UBXN4: variants seen among roughly 807,000 people sequenced by gnomAD.
The protein encoded by UBXN4 is UBX domain protein 4, also known as UBX domain-containing protein 4.
UBXN4 carries 35 observed loss-of-function variants against 66.2 expected under a neutral mutation model. The ratio of observed to expected loss-of-function variants is 0.53; its 90% CI spans 0.40 to 0.70. The LOEUF (loss-of-function observed/expected upper bound fraction) is 0.70. UBXN4 is among the 30% of genes least tolerant of loss of function. The pLI is 0.00. For synonymous variants in UBXN4, 203 were observed against 204.5 expected, an observed-to-expected ratio of 0.99 and a Z score of 0.06; for missense variants, 533 against 599.8, an observed-to-expected ratio of 0.89 and a Z score of 1.16.
chr2:135,765,919 G>A lies in UBXN4; in HGVS notation c.603-3850G>A, dbSNP rs540788791. On this transcript the variant is annotated intron_variant, in intron 6 of 12. Transcript: ENST00000272638. ...TGTAATCCCAGCACTTTGGGAGGCC[G>A]AGGTAGGTGGATCAACTGAGGTCAG... 5.9e-5 allele frequency among the ~76,000 whole-genome samples: 9 copies of A among 152,214 alleles called. No individual in the cohort carries two copies. The South Asian group carries it at 1.2e-3, about 21-fold the overall frequency.
chr2:135,772,653 T>C, intron 9 of UBXN4, 106 bp downstream of exon 9: 2 of 1,391,664 alleles, frequency 1.4e-6, no homozygotes, highest in South Asian at 2.7e-5. Context: ...AGCAGTCCAT[T>C]CCAGAGGGAC....
chr2:135,772,569 C>T lies in UBXN4; in HGVS notation c.950+22C>T, dbSNP rs746701066. 2.5e-6 allele frequency: 4 copies of T among 1,611,918 alleles called. No individual in the cohort carries two copies. In the South Asian group the frequency reaches 4.4e-5, roughly 18 times the overall value. On this transcript the variant is annotated intron_variant, in intron 9 of 12. Coordinates refer to ENST00000272638, the MANE Select transcript of UBXN4 (RefSeq NM_014607.4). ...GAAGGTACTATATTTCATGCTGAAA[C>T]ATCTCTGTGCACATAGGGGCTGAGG... is the stretch of plus-strand genomic sequence containing the variant.
intron 1 of UBXN4, among the ~76,000 whole-genome samples, chr2:135,743,160 AG>A (rs1370367412): frequency 1.3e-5 from 2 of 152,252 alleles, no homozygotes; most frequent in African/African-American, 4.8e-5. Context: ...TATGCACTGC[AG>A]TGAAGAACGA....
chr2:135,759,824 A>T (rs1293990890), intron 5 of UBXN4, among the ~76,000 whole-genome samples: 2 of 121,140 alleles, frequency 1.7e-5, no homozygotes, highest in Non-Finnish European at 3.2e-5. Flanking sequence ...GCTGGAGTGC[A>T]GTGGCGCTAT....
In UBXN4 at chr2:135,783,016, T is replaced by C; in HGVS notation, c.*129T>C. On this transcript the variant is annotated 3_prime_UTR_variant, in exon 13 of 13. Coordinates refer to ENST00000272638, the MANE Select transcript of UBXN4 (RefSeq NM_014607.4). ...TATAAAATGTCTCTTTATTCCTGCT[T>C]AGTGGGTGTGGGTTGAAGGTGTTTA... 2 of 995,440 alleles carry C rather than the reference T, an allele frequency of 2.0e-6. No homozygotes were observed. The highest frequency in any genetic ancestry group is 3.6e-5 in the South Asian group (2 of 55,234). The allele number at this position is 995,440 out of a possible 1,614,324, so 61.7% of individuals were successfully genotyped here. A position where few individuals can be genotyped will look rare whatever the true frequency, so the allele number is the denominator to read the frequency against.
intron 11 of UBXN4, 106 bp from the exon 12 acceptor site, chr2:135,780,077 A>G: frequency 2.8e-6 from 3 of 1,063,644 alleles, no homozygotes; most frequent in Non-Finnish European, 4.1e-6. Context: ...AAGTAAACTA[A>G]AATTGGTAGG....
chr2:135,749,991 G>A (rs1406331205), intron 2 of UBXN4, among the ~76,000 whole-genome samples: 1 of 152,170 alleles, frequency 6.6e-6, no homozygotes, highest in Admixed American at 6.5e-5. Flanking sequence ...TGTATTGATA[G>A]GTAGATTCAG....
At chr2:135,747,627 T>C (rs1263810565) in intron 1 of UBXN4, 1 of 456,506 alleles carries the variant, frequency 2.2e-6, no homozygotes, top group African/African-American at 2.0e-5. Flanking sequence ...AAAGGACAGA[T>C]ATCAAACTTT....
intron 5 of UBXN4, among the ~76,000 whole-genome samples, chr2:135,755,917 A>T (rs1375457478): frequency 2.0e-5 from 3 of 152,190 alleles, no homozygotes; most frequent in Non-Finnish European, 4.4e-5. Flanking sequence ...AGAGCAATTG[A>T]TTTATAATTT....
chr2:135,782,640 A>T, intron 12 of UBXN4, 109 bp from the exon 13 acceptor site: 1 of 1,347,322 alleles, frequency 7.4e-7, no homozygotes, highest in Non-Finnish European at 1.0e-6. Flanking sequence ...TTTAGATGGC[A>T]TTAAAAGTAA....
chr2:135,747,159 A>C (rs1317502976), intron 1 of UBXN4, among the ~76,000 whole-genome samples: 1 of 148,610 alleles, frequency 6.7e-6, no homozygotes, highest in Non-Finnish European at 1.5e-5. Flanking sequence ...TGTCCTGGCC[A>C]ACATAGTGAA....
rs1423028193 is a variant in UBXN4 at position 135,784,137 on chromosome 2, A to G, written c.*1250A>G. On this transcript the variant is annotated 3_prime_UTR_variant, in exon 13 of 13. Transcript: ENST00000272638. ...AAAACCAGTATAATTCTTCTGAAAA[A>G]CATTTATCAGAAACTTAAAATATTT... 3 of 152,216 alleles carry G rather than the reference A, an allele frequency of 2.0e-5. No individual in the cohort carries two copies. The highest frequency in any genetic ancestry group is 2.1e-4 in the South Asian group (1 of 4,800). 9.4% of individuals were successfully genotyped at this position (152,216 alleles called of 1,614,324 possible).
intron 9 of UBXN4, among the ~76,000 whole-genome samples, chr2:135,775,598 T>G (rs1052136770): frequency 6.6e-6 from 1 of 152,046 alleles, no homozygotes; most frequent in East Asian, 1.9e-4. Context: ...TCCGTAGAGA[T>G]AGTAGATTAG....
chr2:135,778,801 G>A (rs770525271), intron 10 of UBXN4, 147 bp from the exon 11 acceptor site: 7 of 876,020 alleles, frequency 8.0e-6, no homozygotes, highest in Non-Finnish European at 1.1e-5. Flanking sequence ...TTAGGGGCTG[G>A]AAGCACAATT....
At chr2:135,779,136 C>T in intron 11 of UBXN4, 57 bp downstream of exon 11, 1 of 1,481,346 alleles carries the variant, frequency 6.8e-7, no homozygotes, top group Non-Finnish European at 9.0e-7. Flanking sequence ...TTATCATACT[C>T]TTCATTTCTT....
rs2077388956 is a variant in UBXN4 at position 135,772,456 on chromosome 2, AAGG to A, written c.861_863del (p.Glu289del). 6.2e-7 allele frequency: 1 copy of A among 1,614,020 alleles called. No homozygotes were observed. Among genetic ancestry groups the A allele is most frequent in the African/African-American group, 1.3e-5 (1 of 74,940 alleles). ...GAGAGCTGCTCGTTTTGCAAAGACA[AAGG>A]AAGAAGTAGAGGCTGCCAAAGCTGC... is the stretch of plus-strand genomic sequence containing the variant. On this transcript the variant is annotated inframe_deletion, in exon 9 of 13. Coordinates refer to ENST00000272638, the MANE Select transcript of UBXN4 (RefSeq NM_014607.4).
chr2:135,765,285 C>A (rs2077340526), intron 6 of UBXN4, among the ~76,000 whole-genome samples: 1 of 151,912 alleles, frequency 6.6e-6, no homozygotes, highest in African/African-American at 2.4e-5. Context: ...TCTCGGCTCA[C>A]TGCAACCTCC....
intron 12 of UBXN4, among the ~76,000 whole-genome samples, chr2:135,780,616 C>T (rs1002463765): frequency 1.3e-5 from 2 of 152,216 alleles, no homozygotes; most frequent in African/African-American, 2.4e-5. Flanking sequence ...AGCAGCTTCA[C>T]CTCTACTGGT....
At position 135,780,381 on chromosome 2, in the gene UBXN4, A is replaced by T. The variant is rs1489148485; in HGVS notation, c.1384A>T (p.Lys462Ter). The change falls in exon 12 of 13, where the codon AAA becomes TAA. Residue 462 changes from lysine (K) to a stop codon, truncating the protein, a stop_gained. Transcript: ENST00000272638. LOFTEE classifies it high-confidence loss of function. ...CCCTGCATCATCTAGCAAATCAGAA[A>T]AAAGGTATCTGTGTGTGTTTTCCCC... ...PNPASSSKSEKREPVRKRVLE... is the reference protein window; with the variant it reads ...PNPASSSKSE 1 of 1,613,746 alleles carries T rather than the reference A, an allele frequency of 6.2e-7. No individual in the cohort carries two copies. The highest frequency in any genetic ancestry group is 8.5e-7 in the Non-Finnish European group (1 of 1,179,626).
Sources: allele counts gnomAD v4.1 joint callset (sites outside exome capture counted in the v4.1 genomes callset), GRCh38; gene constraint gnomAD v4.1.1; transcripts MANE v1.5; gene names NCBI Gene and HGNC (gene_info 2026-07-23, HGNC 2026-07-21).